PALS2: variants seen among roughly 807,000 people sequenced by gnomAD.
PALS2 encodes the protein protein PALS2.
PALS2 carries 27 observed loss-of-function variants against 61.6 expected under a neutral mutation model. The ratio of observed to expected loss-of-function variants is 0.44; its 90% CI spans 0.32 to 0.60. PALS2 has a LOEUF of 0.60. Among genes scored for constraint, PALS2 ranks in the 20% least tolerant of loss-of-function variants. PALS2 has a pLI of 0.05. For missense variants in PALS2, 554 were observed against 639.4 expected (o/e 0.87, Z 1.44); for synonymous variants, 236 against 218.6 (o/e 1.08, Z -0.70).
In PALS2 at chr7:24,573,500, T is replaced by C; in HGVS notation, c.-96T>C. On this transcript the variant is annotated 5_prime_UTR_variant, in exon 1 of 12. Coordinates refer to ENST00000222644, the MANE Select transcript of PALS2 (RefSeq NM_001303037.2). The surrounding 1 kb of genome is among the most constrained non-coding windows in gnomAD (Gnocchi z 5.3). ...GCCACGAGTTTGCAGATGGGGCTGC[T>C]CGGCGGCGCCTGTGGCTGAGGGAGA... 2.6e-6 allele frequency: 1 copy of C among 378,006 alleles called. No individual in the cohort carries two copies. Among genetic ancestry groups the C allele is most frequent in the Non-Finnish European group, 4.7e-6 (1 of 214,302 alleles). The allele number at this position is 378,006 out of a possible 1,614,324, so 23.4% of individuals were successfully genotyped here.
Position 24,650,482 on chromosome 7 carries a change from T to C in PALS2, c.424-3T>C, listed in dbSNP as rs375956616. 2.9e-5 allele frequency: 46 copies of C among 1,568,940 alleles called. No homozygotes were observed. Among genetic ancestry groups the C allele is most frequent in the South Asian group, 1.1e-4 (9 of 83,258 alleles). On this transcript the variant is annotated splice_region_variant and splice_polypyrimidine_tract_variant and intron_variant, in intron 4 of 11. Coordinates refer to ENST00000222644, the MANE Select transcript of PALS2 (RefSeq NM_001303037.2). ...TGAGAAATCTGTTTCTTATTTTTCA[T>C]AGGGTGTGACATTTAGGGTTGAAAA...
chr7:24,654,862 G>A (rs1292501440), intron 5 of PALS2, among the ~76,000 whole-genome samples: 3 of 147,174 alleles, frequency 2.0e-5, no homozygotes, highest in African/African-American at 7.5e-5. Context: ...AGAGAGCTCA[G>A]AAAGAGACCT....
At chr7:24,623,983 A>G in intron 2 of PALS2, 199 bp downstream of exon 2, 2 of 1,090,190 alleles carry the variant, frequency 1.8e-6, no homozygotes. Context: ...CTTTAAATAC[A>G]GGATGAAATG....
intron 1 of PALS2, among the ~76,000 whole-genome samples, chr7:24,600,916 TGATA>T (rs1783697785): frequency 6.6e-6 from 1 of 152,278 alleles, no homozygotes; most frequent in Middle Eastern, 3.4e-3. Flanking sequence ...TATTTACACA[TGATA>T]GATATACTTT....
At chr7:24,675,826 A>G (rs1487341840) in intron 9 of PALS2, among the ~76,000 whole-genome samples, 2 of 125,386 alleles carry the variant, frequency 1.6e-5, no homozygotes, top group African/African-American at 3.9e-5. Context: ...AGTCTTTGCT[A>G]TTATGAATAA....
chr7:24,658,623 C>G (rs1786547601), intron 5 of PALS2, among the ~76,000 whole-genome samples: 1 of 149,370 alleles, frequency 6.7e-6, no homozygotes, highest in African/African-American at 2.5e-5. Flanking sequence ...GTGGCACGAT[C>G]TCGGCTCACT....
intron 5 of PALS2, 21 bp from the exon 6 acceptor site, chr7:24,663,569 T>C: frequency 6.4e-7 from 1 of 1,558,068 alleles, no homozygotes; most frequent in Middle Eastern, 1.8e-4. Flanking sequence ...ATAGTATTTT[T>C]AATTGTGCTA....
At chr7:24,603,099 C>G (rs556174129) in intron 1 of PALS2, among the ~76,000 whole-genome samples, 1 of 152,286 alleles carries the variant, frequency 6.6e-6, no homozygotes, top group African/African-American at 2.4e-5. Context: ...AAGAAGGCAT[C>G]CCTCTGTAAA....
chr7:24,650,800 G>T, intron 5 of PALS2, 88 bp downstream of exon 5: 1 of 961,426 alleles, frequency 1.0e-6, no homozygotes, highest in Non-Finnish European at 1.5e-6. Flanking sequence ...CTACTATTTT[G>T]CTAAAGAAAA....
rs554266678 is a variant in PALS2, at chr7:24,675,384, T to TA, written c.1115-3747_1115-3746insA. On this transcript the variant is annotated intron_variant, in intron 9 of 11. Coordinates refer to ENST00000222644, the MANE Select transcript of PALS2 (RefSeq NM_001303037.2). ...TTATTTTTTTATTTTTTTAAGGTTT[T>TA]TTTTTTTCCCCTCTTATTATTATAC... Among the ~76,000 whole-genome samples, 784 of 151,786 alleles carry TA rather than the reference T, an allele frequency of 5.2e-3. 7 individuals are homozygous for TA. Among genetic ancestry groups the TA allele is most frequent in the African/African-American group, 0.017 (716 of 41,500 alleles).
intron 1 of PALS2, among the ~76,000 whole-genome samples, chr7:24,585,482 T>G (rs925523206): frequency 6.6e-6 from 1 of 152,166 alleles, no homozygotes; most frequent in Non-Finnish European, 1.5e-5. Flanking sequence ...AACTTGGATG[T>G]TTGAGATTAA....
intron 1 of PALS2, among the ~76,000 whole-genome samples, chr7:24,605,157 G>T (rs1305352504): frequency 2.6e-5 from 4 of 152,138 alleles, no homozygotes; most frequent in Non-Finnish European, 5.9e-5. Context: ...TGTAATAAAA[G>T]ATTTTCAACA....
chr7:24,589,960 ATAT>A (rs1057474555), intron 1 of PALS2, among the ~76,000 whole-genome samples: 2 of 152,076 alleles, frequency 1.3e-5, no homozygotes, highest in African/African-American at 4.8e-5. Flanking sequence ...GTGTCCCTTA[ATAT>A]TTGGTTTTCT....
At chr7:24,634,396 A>T (rs2711120) in intron 2 of PALS2, among the ~76,000 whole-genome samples, 65,470 of 151,792 alleles carry the variant, frequency 0.43, 17,128 homozygotes, top group East Asian at 0.72. Flanking sequence ...ACACCCGGCT[A>T]ATTTTTTGTA....
intron 8 of PALS2, chr7:24,667,113 G>A (rs1308389366): frequency 1.3e-5 from 2 of 152,154 alleles, no homozygotes; most frequent in Admixed American, 1.3e-4. Flanking sequence ...AGGATAATAA[G>A]CTAAGGAAGG....
At chr7:24,682,365 T>C (rs79662014) in intron 11 of PALS2, among the ~76,000 whole-genome samples, 5,910 of 152,250 alleles carry the variant, frequency 0.039, 152 homozygotes, top group Non-Finnish European at 0.058. Flanking sequence ...GAAGGAGACC[T>C]TCTACAAGTC....
At chr7:24,678,155 A>T (rs1034491103) in intron 9 of PALS2, among the ~76,000 whole-genome samples, 5 of 152,214 alleles carry the variant, frequency 3.3e-5, no homozygotes, top group African/African-American at 1.2e-4. Flanking sequence ...TTCTTCTTCA[A>T]AGCTGTTGTT....
In PALS2 at chr7:24,690,570, T is replaced by C. The variant is rs1298721105; in HGVS notation, c.*2956T>C. The C allele has an allele frequency of 6.6e-6, 1 of 152,188 alleles. No homozygotes were observed. Among genetic ancestry groups the C allele is most frequent in the African/African-American group, 2.4e-5 (1 of 41,448 alleles). 9.4% of individuals were successfully genotyped at this position (152,188 alleles called of 1,614,324 possible). On this transcript the variant is annotated 3_prime_UTR_variant, in exon 12 of 12. Coordinates refer to ENST00000222644, the MANE Select transcript of PALS2 (RefSeq NM_001303037.2). ...AAGACTATATATATATTTTTTCATTTTCAAATGTACAAATACCCATAGAGG... is the reference window on the plus strand; with the variant it reads ...AAGACTATATATATATTTTTTCATTCTCAAATGTACAAATACCCATAGAGG...
intron 5 of PALS2, among the ~76,000 whole-genome samples, chr7:24,658,698 A>G (rs1786552573): frequency 6.6e-6 from 1 of 151,760 alleles, no homozygotes; most frequent in Non-Finnish European, 1.5e-5. Context: ...CTGGGACTAC[A>G]GGCACGTGCC....
Sources: allele counts gnomAD v4.1 joint callset (sites outside exome capture counted in the v4.1 genomes callset), GRCh38; gene constraint gnomAD v4.1.1; non-coding constraint Gnocchi (gnomAD v3.1); transcripts MANE v1.5; gene names NCBI Gene and HGNC (gene_info 2026-07-23, HGNC 2026-07-21).